Variants in NKAIN3 observed in about 807,000 individuals in gnomAD.
NKAIN3 encodes sodium/potassium transporting ATPase interacting 3.
Under a neutral mutation model 30.2 loss-of-function variants are expected in NKAIN3, and 25 were observed. The ratio of observed to expected loss-of-function variants is 0.83; its 90% CI spans 0.60 to 1.16. NKAIN3 has a LOEUF of 1.16. NKAIN3 is among the 50% of genes most tolerant of loss of function. The probability of loss-of-function intolerance (pLI) is 0.00; values close to 1 mark genes in which losing one functional copy is unlikely to be tolerated. For missense variants in NKAIN3, 225 were observed against 254.1 expected (o/e 0.89, Z 0.78); for synonymous variants, 91 against 89.6 (o/e 1.02, Z -0.09).
intron 1 of NKAIN3, among the ~76,000 whole-genome samples, chr8:62,421,604 GTCTC>G (rs1220536954): frequency 6.6e-6 from 1 of 151,038 alleles, no homozygotes; most frequent in Non-Finnish European, 1.5e-5. Flanking sequence ...TGCAATTGGA[GTCTC>G]TCTCTCTCTC....
intron 1 of NKAIN3, among the ~76,000 whole-genome samples, chr8:62,294,974 C>T: frequency 6.6e-6 from 1 of 152,074 alleles, no homozygotes; most frequent in East Asian, 1.9e-4. Context: ...GGGGCATGTT[C>T]CAGTGTTTGT....
At position 62,980,820 on chromosome 8, in the gene NKAIN3, T is replaced by C. The variant is rs571323828; in HGVS notation, c.*15413T>C. ...GTTTCTATGGCACAAGCAAAGCTCA[T>C]TAATTCCATTTATTATTTTAAGCCA... On this transcript the variant is annotated 3_prime_UTR_variant, in exon 7 of 7. Coordinates refer to ENST00000623646, the MANE Select transcript of NKAIN3 (RefSeq NM_001304533.3). 2.6e-5 allele frequency: 4 copies of C among 152,362 alleles called. No individual in the cohort carries two copies. The highest frequency in any genetic ancestry group is 6.5e-5 in the Admixed American group (1 of 15,302). The allele number at this position is 152,362 out of a possible 1,614,324, so 9.4% of individuals were successfully genotyped here.
At chr8:62,565,672 T>C (rs1302890718) in intron 1 of NKAIN3, among the ~76,000 whole-genome samples, 2 of 152,160 alleles carry the variant, frequency 1.3e-5, no homozygotes, top group Non-Finnish European at 2.9e-5. Flanking sequence ...TTGGTGAAAC[T>C]AAAATTGAAT....
chr8:62,729,038 AAC>A (rs1491107705), intron 3 of NKAIN3, among the ~76,000 whole-genome samples: 1,588 of 103,468 alleles, frequency 0.015, 320 homozygotes, highest in Non-Finnish European at 0.026. Flanking sequence ...AAAAAAAAAA[AAC>A]AAAAAAAAAA....
At chr8:62,522,281 G>A (rs1475211175) in intron 1 of NKAIN3, among the ~76,000 whole-genome samples, 3 of 152,000 alleles carry the variant, frequency 2.0e-5, no homozygotes, top group South Asian at 2.1e-4. Context: ...ATGGCACAAC[G>A]CATTACTCAT....
At chr8:62,757,696 C>G (rs1174867838) in intron 4 of NKAIN3, among the ~76,000 whole-genome samples, 2 of 152,108 alleles carry the variant, frequency 1.3e-5, no homozygotes, top group African/African-American at 2.4e-5. Context: ...GAATTCTATA[C>G]AGAAGGAACA....
intron 4 of NKAIN3, among the ~76,000 whole-genome samples, chr8:62,749,679 C>CTT (rs35908903): frequency 0.36 from 34,927 of 96,506 alleles, 7,580 homozygotes; most frequent in Non-Finnish European, 0.5. Context: ...TTTTTCTTTT[C>CTT]TTTTTTTTTT....
chr8:62,610,433 A>G (rs1811254096), intron 3 of NKAIN3, among the ~76,000 whole-genome samples: 1 of 152,050 alleles, frequency 6.6e-6, no homozygotes, highest in Admixed American at 6.6e-5. Flanking sequence ...CAAATATCCA[A>G]TTTCAAAGCA....
At chr8:62,611,754 G>C (rs1221538551) in intron 3 of NKAIN3, among the ~76,000 whole-genome samples, 1 of 152,116 alleles carries the variant, frequency 6.6e-6, no homozygotes, top group Non-Finnish European at 1.5e-5. Flanking sequence ...AAACATAGGA[G>C]TGCAGATATC....
rs567145401 is a variant in NKAIN3 at position 62,976,348 on chromosome 8, C to T, written c.*10941C>T. Among the ~76,000 whole-genome samples, 6 of 152,082 alleles carry T rather than the reference C, an allele frequency of 3.9e-5. No individual in the cohort carries two copies. The highest frequency in any genetic ancestry group is 8.8e-5 in the Non-Finnish European group (6 of 67,988). On this transcript the variant is annotated 3_prime_UTR_variant, in exon 7 of 7. Transcript: ENST00000623646. The stretch of plus-strand genomic sequence containing the variant: ...CTCTTTGTAGGTCTCTAAGAACTTG[C>T]TTTATGAATCTGGGTGCTCCACTAT...
At chr8:62,394,895 C>T (rs76118143) in intron 1 of NKAIN3, among the ~76,000 whole-genome samples, 5 of 118,068 alleles carry the variant, frequency 4.2e-5, no homozygotes, top group African/African-American at 1.6e-4. Flanking sequence ...ATCACTTCCC[C>T]GACGGGGCGG....
intron 1 of NKAIN3, among the ~76,000 whole-genome samples, chr8:62,500,473 G>A (rs867435045): frequency 3.3e-5 from 4 of 120,502 alleles, no homozygotes; most frequent in Admixed American, 1.7e-4. Context: ...AAGAAAGAAA[G>A]AAAGAAAGAA....
rs1026676688 is a variant in NKAIN3, at chr8:62,966,214, T to C, written c.*807T>C. 18 of 984,980 alleles carry C rather than the reference T, an allele frequency of 1.8e-5. No individual in the cohort carries two copies. The Admixed American group carries it at 2.5e-4, about 13-fold the overall frequency. 61.0% of individuals were successfully genotyped at this position (984,980 alleles called of 1,614,324 possible). A position where few individuals can be genotyped will look rare whatever the true frequency, so the allele number is the denominator to read the frequency against. On this transcript the variant is annotated 3_prime_UTR_variant, in exon 7 of 7. Transcript: ENST00000623646. ...GCTTGTGGGACAGAAATCACAAACA[T>C]AGACCTGCAGTCAGGAACTTTTCTC...
intron 4 of NKAIN3, among the ~76,000 whole-genome samples, chr8:62,756,900 C>T (rs192862003): frequency 2.0e-5 from 3 of 152,248 alleles, no homozygotes; most frequent in African/African-American, 4.8e-5. Context: ...CATGATTATC[C>T]CAGACAGACA....
At chr8:62,390,828 A>C (rs1175812769) in intron 1 of NKAIN3, among the ~76,000 whole-genome samples, 1 of 152,100 alleles carries the variant, frequency 6.6e-6, no homozygotes, top group African/African-American at 2.4e-5. Flanking sequence ...TGTCGGCCAC[A>C]TGTATGTTTT....
chr8:62,504,073 C>T (rs1299478745), intron 1 of NKAIN3, among the ~76,000 whole-genome samples: 2 of 152,216 alleles, frequency 1.3e-5, no homozygotes, highest in African/African-American at 2.4e-5. Context: ...CCGGTCCCTC[C>T]ATCCGGGGTC....
At chr8:62,475,952 C>A (rs1806506152) in intron 1 of NKAIN3, among the ~76,000 whole-genome samples, 1 of 152,126 alleles carries the variant, frequency 6.6e-6, no homozygotes, top group Non-Finnish European at 1.5e-5. Flanking sequence ...ATGCAGCCTC[C>A]ACTTCTGTGA....
intron 2 of NKAIN3, among the ~76,000 whole-genome samples, chr8:62,588,386 C>A (rs1585981748): frequency 6.6e-6 from 1 of 150,858 alleles, no homozygotes; most frequent in Non-Finnish European, 1.5e-5. Context: ...GATTTTTGAG[C>A]TTTTACTCAT....
At chr8:62,934,562 C>T (rs887736466) in intron 5 of NKAIN3, among the ~76,000 whole-genome samples, 1 of 152,012 alleles carries the variant, frequency 6.6e-6, no homozygotes, top group African/African-American at 2.4e-5. Context: ...GAAGCTGCAG[C>T]AGTAGTAAAT....
Sources: allele counts gnomAD v4.1 joint callset (sites outside exome capture counted in the v4.1 genomes callset), GRCh38; gene constraint gnomAD v4.1.1; transcripts MANE v1.5; gene names NCBI Gene and HGNC (gene_info 2026-07-23, HGNC 2026-07-21).